Variants in NELL1 observed in about 807,000 individuals in gnomAD.
The protein encoded by NELL1 is neural EGFL like 1, also known as protein kinase C-binding protein NELL1.
Under a neutral mutation model 107.4 loss-of-function variants are expected in NELL1, and 76 were observed. The observed-to-expected ratio is 0.71, with a 90% CI of 0.59 to 0.86. NELL1 has a LOEUF of 0.86. NELL1 is among the 40% of genes least tolerant of loss of function. The pLI, the probability that NELL1 is intolerant of heterozygous loss-of-function variation, is 0.00. For missense variants in NELL1, 1,024 were observed against 1,005.5 expected (o/e 1.02, Z -0.25); for synonymous variants, 353 against 341.2 (o/e 1.03, Z -0.38).
intron 12 of NELL1, among the ~76,000 whole-genome samples, chr11:21,068,159 G>A (rs978033209): frequency 6.6e-6 from 1 of 150,662 alleles, no homozygotes; most frequent in African/African-American, 2.4e-5. Context: ...AGTGGCCTTT[G>A]GATGTATCCT....
At chr11:21,441,145 G>T (rs919445775) in intron 15 of NELL1, among the ~76,000 whole-genome samples, 10 of 151,950 alleles carry the variant, frequency 6.6e-5, no homozygotes, top group Non-Finnish European at 1.2e-4. Flanking sequence ...CACAGAACTG[G>T]GGCTATTCTC....
At chr11:21,379,624 TTAAAA>T (rs1373229211) in intron 15 of NELL1, among the ~76,000 whole-genome samples, 24 of 152,124 alleles carry the variant, frequency 1.6e-4, no homozygotes, top group Admixed American at 5.2e-4. Flanking sequence ...TTTTAAAAGC[TTAAAA>T]TAAAGAGAAC....
chr11:21,045,541 C>T (rs959509956), intron 12 of NELL1, among the ~76,000 whole-genome samples: 1 of 152,146 alleles, frequency 6.6e-6, no homozygotes, highest in South Asian at 2.1e-4. Context: ...TCTGTATTAG[C>T]ATAATAGTTT....
At chr11:21,172,115 G>A (rs4923396) in intron 13 of NELL1, among the ~76,000 whole-genome samples, 53,229 of 151,464 alleles carry the variant, frequency 0.35, 9,797 homozygotes, top group Middle Eastern at 0.4. Context: ...AAACTGCACC[G>A]CAAAGGGTAT....
chr11:21,067,784 G>A (rs1853912194), intron 12 of NELL1, among the ~76,000 whole-genome samples: 1 of 151,970 alleles, frequency 6.6e-6, no homozygotes, highest in African/African-American at 2.4e-5. Context: ...TGTAATCCCA[G>A]CACTTTGGGA....
Position 20,999,448 on chromosome 11 carries a change from C to T in NELL1, c.1300+38888C>T, listed in dbSNP as rs556978820. Among the ~76,000 whole-genome samples the T allele has an allele frequency of 1.4e-4, 21 of 152,276 alleles. No homozygotes were observed. The East Asian group carries it at 3.7e-3, about 27-fold the overall frequency. ...GTGACAACCACCTGTTGTTCTGTTCCGTGAATGTGGGCTTCCACTCATTGG... is the reference window on the plus strand; with the variant it reads ...GTGACAACCACCTGTTGTTCTGTTCTGTGAATGTGGGCTTCCACTCATTGG... On this transcript the variant is annotated intron_variant, in intron 12 of 19. Transcript: ENST00000357134.
chr11:21,339,423 T>G (rs1850512273), intron 14 of NELL1, among the ~76,000 whole-genome samples: 1 of 152,172 alleles, frequency 6.6e-6, no homozygotes. Context: ...ATTTCAGACT[T>G]CAGCCTATAG....
chr11:21,141,685 A>C (rs755963658), intron 13 of NELL1, among the ~76,000 whole-genome samples: 10 of 152,190 alleles, frequency 6.6e-5, no homozygotes, highest in Non-Finnish European at 1.3e-4. Flanking sequence ...TCAAGCACTT[A>C]GGAACGCAGA....
intron 4 of NELL1, among the ~76,000 whole-genome samples, chr11:20,880,510 C>A (rs56964974): frequency 0.035 from 5,377 of 152,174 alleles, 325 homozygotes; most frequent in African/African-American, 0.12. Context: ...TAGTAGACTG[C>A]GGAACTGCGA....
At chr11:21,001,419 G>A (rs138336938) in intron 12 of NELL1, among the ~76,000 whole-genome samples, 81 of 151,638 alleles carry the variant, frequency 5.3e-4, no homozygotes, top group African/African-American at 1.9e-3. Flanking sequence ...GGGGAAGACC[G>A]TTCACTGATG....
chr11:20,907,791 A>G (rs376398318), intron 5 of NELL1, among the ~76,000 whole-genome samples: 10 of 152,324 alleles, frequency 6.6e-5, no homozygotes, highest in African/African-American at 2.2e-4. Context: ...AGAGTGGGAG[A>G]AAATTTTTGC....
chr11:20,920,905 TA>T (rs112873334), intron 7 of NELL1, among the ~76,000 whole-genome samples: 21,962 of 152,066 alleles, frequency 0.14, 2,827 homozygotes, highest in African/African-American at 0.35. Flanking sequence ...ATCCATCTTC[TA>T]AACCTCCCTT....
At chr11:20,790,936 A>C (rs780850912) in intron 3 of NELL1, among the ~76,000 whole-genome samples, 2 of 152,098 alleles carry the variant, frequency 1.3e-5, no homozygotes, top group Non-Finnish European at 2.9e-5. Context: ...CTTCTATTTC[A>C]TTGATCTATA....
chr11:20,857,112 A>G (rs940448537), intron 4 of NELL1, among the ~76,000 whole-genome samples: 1 of 152,176 alleles, frequency 6.6e-6, no homozygotes, highest in Non-Finnish European at 1.5e-5. Flanking sequence ...TGCATACAGC[A>G]TGCATCCAGA....
At chr11:20,739,743 C>A (rs1229698547) in intron 2 of NELL1, among the ~76,000 whole-genome samples, 1 of 152,166 alleles carries the variant, frequency 6.6e-6, no homozygotes, top group Non-Finnish European at 1.5e-5. Flanking sequence ...AAAGTGACCT[C>A]TTCTCACTTT....
At chr11:20,815,238 T>C (rs995712283) in intron 3 of NELL1, among the ~76,000 whole-genome samples, 1 of 152,116 alleles carries the variant, frequency 6.6e-6, no homozygotes, top group Admixed American at 6.5e-5. Flanking sequence ...CTAATTTTTG[T>C]ATTTTTAGTA....
Position 21,247,509 on chromosome 11 carries a change from C to T in NELL1, c.1549+18055C>T, listed in dbSNP as rs756223617. ...CACAGGGTCAGAATCATCAGTATCA[C>T]TGTCTTCCACCTCCAACTTTTGTCC... On this transcript the variant is annotated intron_variant, in intron 14 of 19. Transcript: ENST00000357134. Among the ~76,000 whole-genome samples the T allele has an allele frequency of 3.9e-5, 6 of 152,116 alleles. No homozygotes were observed. The South Asian group carries it at 8.3e-4, about 21-fold the overall frequency.
At position 20,966,383 on chromosome 11, in the gene NELL1, AT is replaced by A. The variant is rs370071319; in HGVS notation, c.1300+5826del. ...TTAATATTGTTACAATGGTGACTAAATTTCAACATGAATTTTGGAGGGGACA... is the reference window on the plus strand; with the variant it reads ...TTAATATTGTTACAATGGTGACTAAATTCAACATGAATTTTGGAGGGGACA... On this transcript the variant is annotated intron_variant, in intron 12 of 19. Transcript: ENST00000357134. 5.4e-3 allele frequency among the ~76,000 whole-genome samples: 823 copies of A among 152,256 alleles called. 7 individuals are homozygous for A. The highest frequency in any genetic ancestry group is 0.019 in the African/African-American group (784 of 41,554).
chr11:20,826,060 A>G (rs549929409), intron 3 of NELL1, among the ~76,000 whole-genome samples: 1 of 151,232 alleles, frequency 6.6e-6, no homozygotes, highest in East Asian at 1.9e-4. Flanking sequence ...TCTTCCTACC[A>G]CCATGTGAAG....
Sources: allele counts gnomAD v4.1 joint callset (sites outside exome capture counted in the v4.1 genomes callset), GRCh38; gene constraint gnomAD v4.1.1; transcripts MANE v1.5; gene names NCBI Gene and HGNC (gene_info 2026-07-23, HGNC 2026-07-21).